The following RARB variants were observed in gnomAD, a reference collection of about 807,000 sequenced individuals.
The protein encoded by RARB is retinoic acid receptor beta.
RARB carries 17 observed loss-of-function variants against 51.9 expected under a neutral mutation model. The ratio of observed to expected loss-of-function variants is 0.33; its 90% CI spans 0.22 to 0.49. The LOEUF (loss-of-function observed/expected upper bound fraction) is 0.49, where lower values mean the gene tolerates loss of function less well. Ranked by LOEUF, RARB falls within the 20% of genes least tolerant of loss-of-function variation. The probability of loss-of-function intolerance (pLI) is 0.99; values close to 1 mark genes in which losing one functional copy is unlikely to be tolerated. For missense variants in RARB, 369 were observed against 550.8 expected (o/e 0.67, Z 3.30); for synonymous variants, 215 against 195.4 (o/e 1.10, Z -0.84).
intron 5 of RARB, among the ~76,000 whole-genome samples, chr3:25,200,394 C>T (rs1180110759): frequency 1.3e-5 from 2 of 151,898 alleles, no homozygotes; most frequent in Admixed American, 6.6e-5. Context: ...CTGTAGGTTG[C>T]CTGTTCACTC....
chr3:24,862,958 C>A (rs1286713112), intron 2 of RARB, among the ~76,000 whole-genome samples: 1 of 152,074 alleles, frequency 6.6e-6, no homozygotes, highest in Non-Finnish European at 1.5e-5. Flanking sequence ...AATTGTGAGG[C>A]AAACTTTTGA....
At chr3:25,526,162 G>C (rs1698636812) in intron 3 of RARB, among the ~76,000 whole-genome samples, 1 of 152,184 alleles carries the variant, frequency 6.6e-6, no homozygotes, top group Non-Finnish European at 1.5e-5. Context: ...GGGCATTCCA[G>C]GTAGGAGAGC....
intron 2 of RARB, among the ~76,000 whole-genome samples, chr3:24,982,885 A>G (rs899943284): frequency 2.0e-5 from 3 of 152,212 alleles, no homozygotes; most frequent in Non-Finnish European, 2.9e-5. Context: ...CCTGTAACAC[A>G]TATGTCCTAT....
At chr3:25,129,313 A>G (rs78704059) in intron 3 of RARB, among the ~76,000 whole-genome samples, 3,799 of 152,130 alleles carry the variant, frequency 0.025, 132 homozygotes, top group African/African-American at 0.087. Flanking sequence ...TTATTTTTCC[A>G]CAATATATAT....
chr3:25,120,943 G>T (rs1248369508), intron 3 of RARB, among the ~76,000 whole-genome samples: 1 of 152,114 alleles, frequency 6.6e-6, no homozygotes, highest in Non-Finnish European at 1.5e-5. Context: ...AGATCCTGTG[G>T]CCCACAGAGC....
At chr3:25,573,643 A>G (rs553775114) in intron 4 of RARB, among the ~76,000 whole-genome samples, 228 of 152,342 alleles carry the variant, frequency 1.5e-3, no homozygotes, top group African/African-American at 5.3e-3. Context: ...AACAGCAGCC[A>G]TAACACATTC....
chr3:24,973,170 G>A (rs977205034), intron 2 of RARB, among the ~76,000 whole-genome samples: 1 of 151,886 alleles, frequency 6.6e-6, no homozygotes, highest in East Asian at 1.9e-4. Context: ...GAGAGATAAG[G>A]GCCTAGTTCA....
At chr3:25,198,464 A>T (rs1414096143) in intron 5 of RARB, among the ~76,000 whole-genome samples, 3 of 152,166 alleles carry the variant, frequency 2.0e-5, no homozygotes, top group African/African-American at 7.2e-5. Context: ...AGAGGAAACA[A>T]TCAACAAAGT....
intron 2 of RARB, among the ~76,000 whole-genome samples, chr3:24,916,610 G>A (rs1307835958): frequency 6.6e-6 from 1 of 152,072 alleles, no homozygotes; most frequent in African/African-American, 2.4e-5. Context: ...TTCCCAGAAA[G>A]CATATTGATG....
intron 1 of RARB, among the ~76,000 whole-genome samples, chr3:25,438,347 T>A (rs9284855): frequency 0.061 from 9,252 of 152,102 alleles, 448 homozygotes; most frequent in African/African-American, 0.12. Context: ...AATAACTACC[T>A]TTCAGTTTGG....
chr3:24,837,744 A>C (rs1204300428), intron 1 of RARB, among the ~76,000 whole-genome samples: 1 of 152,230 alleles, frequency 6.6e-6, no homozygotes, highest in African/African-American at 2.4e-5. Flanking sequence ...GCTTGGAAAC[A>C]TAAATGATTA....
intron 5 of RARB, among the ~76,000 whole-genome samples, chr3:25,186,889 G>A (rs1700990745): frequency 2.0e-5 from 2 of 98,020 alleles, no homozygotes; most frequent in African/African-American, 8.3e-5. Flanking sequence ...GTAAGCCTGT[G>A]TGTGTGTGTG....
intron 5 of RARB, among the ~76,000 whole-genome samples, chr3:25,298,844 T>A (rs1384630909): frequency 3.3e-5 from 5 of 152,148 alleles, no homozygotes; most frequent in Non-Finnish European, 2.9e-5. Flanking sequence ...CAAGAACCCC[T>A]CAAGGATTCC....
At chr3:25,150,957 C>T (rs1700278119) in intron 4 of RARB, among the ~76,000 whole-genome samples, 1 of 152,150 alleles carries the variant, frequency 6.6e-6, no homozygotes, top group Admixed American at 6.5e-5. Flanking sequence ...ATGTGATATA[C>T]GTTGGGGGTG....
intron 2 of RARB, among the ~76,000 whole-genome samples, chr3:24,995,327 T>C (rs913280279): frequency 6.6e-6 from 1 of 152,050 alleles, no homozygotes; most frequent in African/African-American, 2.4e-5. Flanking sequence ...TTTTTGTGTG[T>C]TCATTTTGCA....
rs553201475 is a variant in RARB at position 25,195,302 on chromosome 3, T to C, written c.178+20727T>C. 2.0e-5 allele frequency among the ~76,000 whole-genome samples: 3 copies of C among 152,156 alleles called. No individual in the cohort carries two copies. In the East Asian group the frequency reaches 5.8e-4, roughly 29 times the overall value. ...TTGTATCACTTAAGAATAGGTAGTG[T>C]CATACATGCTCAATTTCTGACAACA... On this transcript the variant is annotated intron_variant, in intron 5 of 11. Transcript: ENST00000383772.
intron 5 of RARB, among the ~76,000 whole-genome samples, chr3:25,188,455 A>G (rs1036608727): frequency 2.0e-5 from 3 of 152,140 alleles, no homozygotes; most frequent in Admixed American, 1.3e-4. Flanking sequence ...GCCTGATTCT[A>G]TTTCCAAGAA....
At chr3:25,216,396 T>A (rs1470609712) in intron 5 of RARB, among the ~76,000 whole-genome samples, 2 of 152,248 alleles carry the variant, frequency 1.3e-5, no homozygotes, top group Non-Finnish European at 2.9e-5. Flanking sequence ...CATAGAATAC[T>A]ATGCAGCCAT....
intron 5 of RARB, among the ~76,000 whole-genome samples, chr3:25,341,737 G>C (rs963853006): frequency 8.5e-5 from 13 of 152,064 alleles, no homozygotes; most frequent in Non-Finnish European, 1.8e-4. Flanking sequence ...AGAGGTCAAG[G>C]GATGCCACTA....
Sources: allele counts gnomAD v4.1 joint callset (sites outside exome capture counted in the v4.1 genomes callset), GRCh38; gene constraint gnomAD v4.1.1; transcripts MANE v1.5; gene names NCBI Gene and HGNC (gene_info 2026-07-23, HGNC 2026-07-21).